Variants in CNTN4 observed in about 807,000 individuals in gnomAD.
CNTN4 encodes contactin 4.
A neutral mutation model predicts 122.5 loss-of-function variants in CNTN4; 77 were observed. The observed-to-expected ratio is 0.63, with a 90% confidence interval of 0.52 to 0.76. The LOEUF (loss-of-function observed/expected upper bound fraction) is 0.76, where lower values mean the gene tolerates loss of function less well. Among genes scored for constraint, CNTN4 ranks in the 30% least tolerant of loss-of-function variants. The pLI is 0.00. For missense variants in CNTN4, 1,256 were observed against 1,259.1 expected, an observed-to-expected ratio of 1.00 and a Z score of 0.04; for synonymous variants, 512 against 447.0, an observed-to-expected ratio of 1.15 and a Z score of -1.83.
chr3:2,802,250 T>C (rs954408843), intron 6 of CNTN4, among the ~76,000 whole-genome samples: 3 of 152,214 alleles, frequency 2.0e-5, no homozygotes, highest in African/African-American at 7.2e-5. Flanking sequence ...TGTGGTCATT[T>C]GTGGACTTGT....
chr3:2,820,863 A>G (rs1337327907), intron 7 of CNTN4, among the ~76,000 whole-genome samples: 1 of 151,664 alleles, frequency 6.6e-6, no homozygotes, highest in Admixed American at 6.6e-5. Flanking sequence ...ACTCATAGCA[A>G]CTAGATCAGT....
chr3:2,251,676 G>T (rs1444471081), intron 2 of CNTN4, among the ~76,000 whole-genome samples: 4 of 151,630 alleles, frequency 2.6e-5, no homozygotes, highest in Non-Finnish European at 3.0e-5. Context: ...TCTTAGGGTG[G>T]CATGTTACCA....
Position 2,866,859 on chromosome 3 carries a change from G to A in CNTN4, c.562G>A (p.Asp188Asn), listed in dbSNP as rs1288088153. Reference protein sequence around the residue: ...NLYIAKVEKSDVGNYTCVVTN... With the variant: ...NLYIAKVEKSNVGNYTCVVTN... ...GTATATTGCCAAAGTAGAAAAATCA[G>A]ATGTTGGGAATTATACCTGTGTGGT... Residue 188 changes from aspartate (D) to asparagine (N), a missense_variant, in exon 8 of 25, where the codon GAT (aspartate) becomes AAT (asparagine). Coordinates refer to ENST00000418658, the MANE Select transcript of CNTN4 (RefSeq NM_175607.3). 2.5e-6 allele frequency: 4 copies of A among 1,613,916 alleles called. No homozygotes were observed. The highest frequency in any genetic ancestry group is 1.7e-6 in the Non-Finnish European group (2 of 1,179,956).
chr3:2,547,129 G>A (rs570249667), intron 3 of CNTN4, among the ~76,000 whole-genome samples: 1 of 152,196 alleles, frequency 6.6e-6, no homozygotes, highest in African/African-American at 2.4e-5. Flanking sequence ...AAAACTCCAG[G>A]TCTTCAAGAC....
intron 4 of CNTN4, among the ~76,000 whole-genome samples, chr3:2,729,309 A>C (rs1168589769): frequency 1.1e-4 from 17 of 152,076 alleles, no homozygotes; most frequent in African/African-American, 3.4e-4. Flanking sequence ...TCACGCCTGT[A>C]ATCCTAGCAC....
intron 2 of CNTN4, among the ~76,000 whole-genome samples, chr3:2,200,136 C>G (rs557706290): frequency 1.3e-5 from 2 of 152,172 alleles, no homozygotes; most frequent in East Asian, 3.9e-4. Context: ...TGGTAGGGAT[C>G]CTCCGTAGGA....
intron 2 of CNTN4, among the ~76,000 whole-genome samples, chr3:2,284,670 G>T (rs2041841164): frequency 6.6e-6 from 1 of 151,920 alleles, no homozygotes; most frequent in African/African-American, 2.4e-5. Flanking sequence ...TCAAATTCCT[G>T]CAATAGAGCT....
At chr3:2,417,240 T>C (rs2047449498) in intron 3 of CNTN4, among the ~76,000 whole-genome samples, 1 of 152,222 alleles carries the variant, frequency 6.6e-6, no homozygotes, top group Non-Finnish European at 1.5e-5. Flanking sequence ...CAACTACAGA[T>C]AAATAACTGC....
intron 2 of CNTN4, among the ~76,000 whole-genome samples, chr3:2,138,785 G>C (rs2034836418): frequency 6.6e-6 from 1 of 152,106 alleles, no homozygotes; most frequent in Admixed American, 6.5e-5. Context: ...CCAGCTTATA[G>C]ATGGCAGATT....
chr3:2,664,159 G>A (rs975458448), intron 4 of CNTN4, among the ~76,000 whole-genome samples: 1 of 152,152 alleles, frequency 6.6e-6, no homozygotes, highest in South Asian at 2.1e-4. Flanking sequence ...TAGGTAAATT[G>A]CATGGTGTAT....
chr3:2,151,079 T>G (rs2035474264), intron 2 of CNTN4, among the ~76,000 whole-genome samples: 1 of 152,086 alleles, frequency 6.6e-6, no homozygotes, highest in African/African-American at 2.4e-5. Context: ...AATACATTTT[T>G]TTAGACAGCT....
At chr3:2,317,299 C>T (rs901204564) in intron 2 of CNTN4, among the ~76,000 whole-genome samples, 7 of 152,124 alleles carry the variant, frequency 4.6e-5, no homozygotes, top group African/African-American at 1.7e-4. Context: ...TTTCATTTAA[C>T]TCAATCTCAT....
At chr3:2,516,822 A>G (rs1449664511) in intron 3 of CNTN4, among the ~76,000 whole-genome samples, 1 of 152,194 alleles carries the variant, frequency 6.6e-6, no homozygotes, top group Non-Finnish European at 1.5e-5. Context: ...GAAGCTGACT[A>G]TGCCAGGCAT....
At chr3:2,667,985 G>T (rs1415465752) in intron 4 of CNTN4, among the ~76,000 whole-genome samples, 1 of 152,002 alleles carries the variant, frequency 6.6e-6, no homozygotes, top group Non-Finnish European at 1.5e-5. Context: ...TGCTGTTTTG[G>T]TTACTGTAGC....
chr3:3,034,621 C>T lies in CNTN4; in HGVS notation c.1784-11C>T, dbSNP rs376541780. The T allele has an allele frequency of 4.6e-5, 75 of 1,613,936 alleles. No individual in the cohort carries two copies. The highest frequency in any genetic ancestry group is 6.2e-5 in the Non-Finnish European group (73 of 1,179,948). On this transcript the variant is annotated splice_polypyrimidine_tract_variant and intron_variant, in intron 16 of 24. Coordinates refer to ENST00000418658, the MANE Select transcript of CNTN4 (RefSeq NM_175607.3). ...CACTGCTCCAATTCTGGGGGTCTTG[C>T]TCTTTCCCAGGTCCTCCAGGTCCCC...
intron 3 of CNTN4, among the ~76,000 whole-genome samples, chr3:2,411,350 G>T (rs1423410883): frequency 1.3e-5 from 2 of 152,020 alleles, no homozygotes; most frequent in Non-Finnish European, 2.9e-5. Context: ...CTAAAAAGAA[G>T]AAAAACTGAT....
rs560531653 is a variant in CNTN4 at position 2,774,584 on chromosome 3, T to C, written c.358+28887T>C. ...ACTTTAGAAAACAATTGATAGCTTA[T>C]GTATTTTCAGTTTTGGAAAACCTTC... On this transcript the variant is annotated intron_variant, in intron 6 of 24. Coordinates refer to ENST00000418658, the MANE Select transcript of CNTN4 (RefSeq NM_175607.3). Among the ~76,000 whole-genome samples the C allele has an allele frequency of 5.6e-4, 86 of 152,296 alleles. 1 individual carries two copies. The South Asian group carries it at 0.017, about 30-fold the overall frequency.
chr3:2,901,587 G>T (rs2094174098), intron 11 of CNTN4, among the ~76,000 whole-genome samples: 2 of 152,192 alleles, frequency 1.3e-5, no homozygotes, highest in African/African-American at 4.8e-5. Flanking sequence ...AGGTACCTAG[G>T]TACTGGTATT....
At chr3:2,487,639 G>A (rs1255515127) in intron 3 of CNTN4, among the ~76,000 whole-genome samples, 2 of 151,956 alleles carry the variant, frequency 1.3e-5, no homozygotes, top group African/African-American at 2.4e-5. Flanking sequence ...TGTTTGTTTT[G>A]TTTTGTTTTG....
Sources: allele counts gnomAD v4.1 joint callset (sites outside exome capture counted in the v4.1 genomes callset), GRCh38; gene constraint gnomAD v4.1.1; transcripts MANE v1.5; gene names NCBI Gene and HGNC (gene_info 2026-07-23, HGNC 2026-07-21).